The following PLPPR4 variants were observed in gnomAD, a reference collection of about 807,000 sequenced individuals.
The protein encoded by PLPPR4 is phospholipid phosphatase related 4.
In PLPPR4, 24 loss-of-function variants were observed where a neutral mutation model predicts 56.6. The ratio of observed to expected loss-of-function variants is 0.42; its 90% confidence interval spans 0.31 to 0.60. The LOEUF is 0.60. PLPPR4 is among the 20% of genes least tolerant of loss of function. The pLI, the probability that PLPPR4 is intolerant of heterozygous loss-of-function variation, is 0.13. For synonymous variants in PLPPR4, 326 were observed against 328.1 expected, an observed-to-expected ratio of 0.99 and a Z score of 0.07; for missense variants, 654 against 885.8, an observed-to-expected ratio of 0.74 and a Z score of 3.32.
At position 99,298,901 on chromosome 1, in the gene PLPPR4, C is replaced by G. The variant is rs964875933; in HGVS notation, c.395-134C>G. Reference sequence around the variant, plus strand: ...TTTAGAAGTTTAGGAATTTTCTATACTGTCTTCTTGAAATCAACTTAGAGA... The same window carrying G: ...TTTAGAAGTTTAGGAATTTTCTATAGTGTCTTCTTGAAATCAACTTAGAGA... On this transcript the variant is annotated intron_variant, in intron 3 of 6. Coordinates refer to ENST00000370185, the MANE Select transcript of PLPPR4 (RefSeq NM_014839.5). 4 of 745,062 alleles carry G rather than the reference C, an allele frequency of 5.4e-6. No individual in the cohort carries two copies. In the South Asian group the frequency reaches 6.0e-5, roughly 11 times the overall value. The allele number at this position is 745,062 out of a possible 1,614,324, so 46.2% of individuals were successfully genotyped here.
At chr1:99,302,427 A>AT (rs1570924596) in intron 6 of PLPPR4, among the ~76,000 whole-genome samples, 1 of 152,112 alleles carries the variant, frequency 6.6e-6, no homozygotes, top group East Asian at 1.9e-4. Flanking sequence ...GCATTCATGC[A>AT]TTTTACATTT....
In PLPPR4 at chr1:99,307,000, A is replaced by G. The variant is rs1294399854; in HGVS notation, c.2138A>G (p.Tyr713Cys). Residue 713 changes from tyrosine to cysteine, a missense_variant, in exon 7 of 7, where the codon TAT (tyrosine) becomes TGT (cysteine). This residue lies in a region of PLPPR4 where 468 missense variants were observed against 554.3 expected (regional missense o/e 0.84). Coordinates refer to ENST00000370185, the MANE Select transcript of PLPPR4 (RefSeq NM_014839.5). The surrounding 1 kb of genome is among the most constrained non-coding windows in gnomAD (Gnocchi z 4.0). ...AAAGGAACCTCCCCCACACGGGCTTATAAGGATTGAGTGATGTCCATTCCA... is the reference window on the plus strand; with the variant it reads ...AAAGGAACCTCCCCCACACGGGCTTGTAAGGATTGAGTGATGTCCATTCCA... The part of the protein sequence containing the change: ...FYKGTSPTRA[Y>C]KD The G allele has an allele frequency of 2.5e-6, 4 of 1,596,546 alleles. No homozygotes were observed. The highest frequency in any genetic ancestry group is 2.2e-5 in the East Asian group (1 of 44,792).
chr1:99,305,657 A>G, intron 6 of PLPPR4, 28 bp from the exon 7 acceptor site: 9 of 1,590,296 alleles, frequency 5.7e-6, no homozygotes, highest in Non-Finnish European at 6.8e-6. Context: ...CTAGTGCATG[A>G]TATTTATTGC....
Position 99,302,509 on chromosome 1 carries a change from T to A in PLPPR4, c.822+612T>A, listed in dbSNP as rs553391151. Among the ~76,000 whole-genome samples, 286 of 149,580 alleles carry A rather than the reference T, an allele frequency of 1.9e-3. 1 individual carries two copies. The highest frequency in any genetic ancestry group is 6.9e-3 in the East Asian group (35 of 5,052). ...CTGAGAAATGAGATGTATTCTTTTT[T>A]TTATTATTATTATTATTATTATACT... On this transcript the variant is annotated intron_variant, in intron 6 of 6. Coordinates refer to ENST00000370185, the MANE Select transcript of PLPPR4 (RefSeq NM_014839.5).
intron 2 of PLPPR4, among the ~76,000 whole-genome samples, chr1:99,289,850 A>G (rs2100799973): frequency 6.6e-6 from 1 of 152,308 alleles, no homozygotes; most frequent in East Asian, 1.9e-4. Context: ...AATGGGCAAA[A>G]GCTTGAAGCA....
intron 2 of PLPPR4, among the ~76,000 whole-genome samples, chr1:99,289,455 T>C (rs1446309561): frequency 6.6e-6 from 1 of 152,092 alleles, no homozygotes; most frequent in African/African-American, 2.4e-5. Flanking sequence ...CTTTATCATA[T>C]TTGAAAGGTC....
chr1:99,285,986 CT>C (rs2100796631), intron 1 of PLPPR4, among the ~76,000 whole-genome samples: 1 of 152,210 alleles, frequency 6.6e-6, no homozygotes, highest in African/African-American at 2.4e-5. Context: ...CTCTTATTCA[CT>C]ATATTATATC....
At chr1:99,283,508 CTTTT>C (rs1010967920) in intron 1 of PLPPR4, among the ~76,000 whole-genome samples, 15 of 152,156 alleles carry the variant, frequency 9.9e-5, no homozygotes, top group African/African-American at 3.4e-4. Context: ...AAACACCTTT[CTTTT>C]GTTTGCCCTG....
In PLPPR4 at chr1:99,305,757, C is replaced by T. The variant is rs756047255; in HGVS notation, c.895C>T (p.Leu299=). ...TCAGCACAGAGACGCCCTCAGGTCT[C>T]TGACAGACCTCAATCAAGATCCCAA... The part of the protein sequence containing the change: ...MFQHRDALRS[L]TDLNQDPNRL... Residue 299 remains leucine (L), a synonymous_variant, in exon 7 of 7, where the codon CTG becomes TTG. Transcript: ENST00000370185. 8.1e-6 allele frequency: 13 copies of T among 1,613,924 alleles called. No homozygotes were observed.
rs1015133939 is a variant in PLPPR4, at chr1:99,307,800, CTTAGTGAGTAAATTTGCATAATT to C, written c.*794_*816del. The C allele has an allele frequency of 6.6e-6, 1 of 152,068 alleles. No homozygotes were observed. Among genetic ancestry groups the C allele is most frequent in the African/African-American group, 2.4e-5 (1 of 41,418 alleles). The allele number at this position is 152,068 out of a possible 1,614,324, so 9.4% of individuals were successfully genotyped here. On this transcript the variant is annotated 3_prime_UTR_variant, in exon 7 of 7. Coordinates refer to ENST00000370185, the MANE Select transcript of PLPPR4 (RefSeq NM_014839.5). ...TAGGTACTGCTAATGAATCTGTTTT[CTTAGTGAGTAAATTTGCATAATT>C]TTATAAATATTATTTTAGAGAATCT... is the stretch of plus-strand genomic sequence containing the variant.
intron 1 of PLPPR4, among the ~76,000 whole-genome samples, chr1:99,272,141 T>C (rs997387384): frequency 6.6e-6 from 1 of 152,204 alleles, no homozygotes; most frequent in African/African-American, 2.4e-5. Context: ...AAGCAACTTT[T>C]GTATTTAAAA....
At chr1:99,297,985 T>C (rs1659784772) in intron 3 of PLPPR4, among the ~76,000 whole-genome samples, 1 of 152,074 alleles carries the variant, frequency 6.6e-6, no homozygotes, top group Non-Finnish European at 1.5e-5. Context: ...AAAAAGTAAG[T>C]CTTTGCATGC....
chr1:99,306,126 G>C lies in PLPPR4; in HGVS notation c.1264G>C (p.Gly422Arg). Residue 422 changes from glycine (G) to arginine (R), a missense_variant, in exon 7 of 7, where the codon GGG becomes CGG. By Grantham distance (125) the Gly-to-Arg change is moderately radical (BLOSUM62 -2). This residue lies in a region of PLPPR4 where 468 missense variants were observed against 554.3 expected (regional missense o/e 0.84). Transcript: ENST00000370185. The surrounding 1 kb of genome is among the most constrained non-coding windows in gnomAD (Gnocchi z 4.0). ...LSLQVIEPEPGQSPPRSIEMR... is the reference protein window; with the variant it reads ...LSLQVIEPEPRQSPPRSIEMR... ...CTTGCAAGTTATAGAGCCTGAGCCT[G>C]GGCAGTCACCACCCAGATCCATAGA... 1 of 1,614,114 alleles carries C rather than the reference G, an allele frequency of 6.2e-7. No homozygotes were observed. The highest frequency in any genetic ancestry group is 1.1e-5 in the South Asian group (1 of 91,076).
At chr1:99,296,204 G>C (rs1436431283) in intron 2 of PLPPR4, among the ~76,000 whole-genome samples, 2 of 152,128 alleles carry the variant, frequency 1.3e-5, no homozygotes, top group African/African-American at 4.8e-5. Flanking sequence ...CTAGCCACCT[G>C]TGGCCACTTC....
Position 99,309,305 on chromosome 1 carries a change from T to C in PLPPR4, c.*2295T>C, listed in dbSNP as rs1480427427. 1.3e-5 allele frequency: 2 copies of C among 152,492 alleles called. No individual in the cohort carries two copies. Among genetic ancestry groups the C allele is most frequent in the East Asian group, 3.8e-4 (2 of 5,204 alleles). 9.4% of individuals were successfully genotyped at this position (152,492 alleles called of 1,614,324 possible). A position where few individuals can be genotyped will look rare whatever the true frequency, so the allele number is the denominator to read the frequency against. ...CTTCTTAGTGTTCTATTTATCTTATTTGCTAATGGGAGCACTTCTTCCTTT... is the reference window on the plus strand; with the variant it reads ...CTTCTTAGTGTTCTATTTATCTTATCTGCTAATGGGAGCACTTCTTCCTTT... On this transcript the variant is annotated 3_prime_UTR_variant, in exon 7 of 7. Coordinates refer to ENST00000370185, the MANE Select transcript of PLPPR4 (RefSeq NM_014839.5).
chr1:99,266,333 A>G (rs1294105787), intron 1 of PLPPR4, among the ~76,000 whole-genome samples: 1 of 152,262 alleles, frequency 6.6e-6, no homozygotes. Context: ...GAAGCTGACT[A>G]CATGTGGGTT....
chr1:99,283,826 C>T (rs1489281185), intron 1 of PLPPR4, among the ~76,000 whole-genome samples: 1 of 152,116 alleles, frequency 6.6e-6, no homozygotes, highest in Admixed American at 6.5e-5. Context: ...GTGGCACGCT[C>T]CTGTAGTCCC....
intron 1 of PLPPR4, among the ~76,000 whole-genome samples, chr1:99,271,735 G>T (rs1024670393): frequency 3.1e-4 from 47 of 152,096 alleles, no homozygotes; most frequent in Non-Finnish European, 6.0e-4. Context: ...GTGGGTGGGG[G>T]TGAGAGGGAA....
intron 1 of PLPPR4, among the ~76,000 whole-genome samples, chr1:99,286,695 G>A (rs1055895961): frequency 1.3e-5 from 2 of 152,072 alleles, no homozygotes; most frequent in African/African-American, 4.8e-5. Context: ...AAGGACCCTG[G>A]GCAGAAATGA....
Sources: gnomAD v4.1 joint callset for allele counts (sites outside exome capture counted in the v4.1 genomes callset) on GRCh38, gnomAD v4.1.1 for gene constraint, gnomAD v4.1.1 regional missense constraint, Gnocchi (gnomAD v3.1) non-coding constraint, MANE v1.5 for transcripts, NCBI Gene and HGNC (gene_info 2026-07-23, HGNC 2026-07-21) for gene names.